Variants in WDR76 observed in about 807,000 individuals in gnomAD.
WDR76 encodes the protein WD repeat-containing protein 76.
WDR76 carries 52 observed loss-of-function variants against 70.2 expected under a neutral mutation model. That is an observed-to-expected ratio of 0.74 (90% CI 0.59 to 0.93). WDR76 has a LOEUF of 0.93. WDR76 is among the 40% of genes least tolerant of loss of function. The pLI is 0.00. For synonymous variants in WDR76, 292 were observed against 271.1 expected, an observed-to-expected ratio of 1.08 and a Z score of -0.76; for missense variants, 756 against 760.2, an observed-to-expected ratio of 0.99 and a Z score of 0.07.
intron 11 of WDR76, among the ~76,000 whole-genome samples, chr15:43,860,952 G>A (rs1336315858): frequency 9.9e-6 from 1 of 100,760 alleles, no homozygotes; most frequent in Non-Finnish European, 1.8e-5. Flanking sequence ...CAAGGTTCTC[G>A]CTCTGTTGCT....
intron 5 of WDR76, among the ~76,000 whole-genome samples, chr15:43,840,515 T>C (rs955468381): frequency 6.6e-6 from 1 of 152,200 alleles, no homozygotes; most frequent in Non-Finnish European, 1.5e-5. Context: ...TTCTAAATAT[T>C]TTTTATTCAA....
rs183168368 is a variant in WDR76, at chr15:43,840,918, T to A, written c.732+1190T>A. ...ATCACTTGAGACGTTAATTTAAAAA[T>A]ATATATATATATTTATTTACATTGT... On this transcript the variant is annotated intron_variant, in intron 5 of 12. Coordinates refer to ENST00000263795, the MANE Select transcript of WDR76 (RefSeq NM_024908.4). Among the ~76,000 whole-genome samples the A allele has an allele frequency of 7.2e-3, 1,097 of 151,434 alleles. 12 individuals are homozygous for A. The highest frequency in any genetic ancestry group is 0.025 in the African/African-American group (1,033 of 41,224).
At chr15:43,852,563 G>T (rs557972446) in intron 9 of WDR76, among the ~76,000 whole-genome samples, 1 of 152,166 alleles carries the variant, frequency 6.6e-6, no homozygotes, top group Admixed American at 6.5e-5. Flanking sequence ...GTAGGGACGG[G>T]GTTTCACCAT....
intron 2 of WDR76, among the ~76,000 whole-genome samples, chr15:43,832,022 T>C (rs1168850532): frequency 2.0e-5 from 3 of 152,006 alleles, no homozygotes; most frequent in Non-Finnish European, 4.4e-5. Context: ...GCTAGGATTA[T>C]AGGCGTGAGC....
chr15:43,865,314 C>T (rs1395056361), intron 12 of WDR76, among the ~76,000 whole-genome samples: 1 of 152,032 alleles, frequency 6.6e-6, no homozygotes, highest in Admixed American at 6.6e-5. Flanking sequence ...ACTCTGTTGC[C>T]CAGGCTGGAA....
At chr15:43,843,028 T>G (rs540220813) in intron 7 of WDR76, among the ~76,000 whole-genome samples, 48 of 146,952 alleles carry the variant, frequency 3.3e-4, no homozygotes, top group South Asian at 1.3e-3. Flanking sequence ...TTTTTTTTTT[T>G]TTTTTTGTTT....
intron 9 of WDR76, among the ~76,000 whole-genome samples, chr15:43,851,948 G>C (rs1246206605): frequency 1.3e-5 from 2 of 152,158 alleles, no homozygotes; most frequent in Non-Finnish European, 2.9e-5. Flanking sequence ...TGTAGTCACA[G>C]CTACTCAGGA....
Position 43,846,420 on chromosome 15 carries a change from G to A in WDR76, c.1032+2366G>A, listed in dbSNP as rs113446623. 2.0e-3 allele frequency among the ~76,000 whole-genome samples: 300 copies of A among 149,122 alleles called. 7 individuals carry two copies. The highest frequency in any genetic ancestry group is 7.0e-3 in the African/African-American group (290 of 41,228). ...CCACCTCAGCTTCCTGCGTAGCTGGGACTACGGTCATGTGCCACCACACCT... is the reference window on the plus strand; with the variant it reads ...CCACCTCAGCTTCCTGCGTAGCTGGAACTACGGTCATGTGCCACCACACCT... On this transcript the variant is annotated intron_variant, in intron 8 of 12. Coordinates refer to ENST00000263795, the MANE Select transcript of WDR76 (RefSeq NM_024908.4).
chr15:43,828,963 C>T (rs999031632), intron 2 of WDR76, among the ~76,000 whole-genome samples: 2 of 150,826 alleles, frequency 1.3e-5, no homozygotes, highest in South Asian at 2.1e-4. Flanking sequence ...AGTGCAGTGA[C>T]GCTATCTCGG....
At position 43,851,370 on chromosome 15, in the gene WDR76, G is replaced by A. The variant is rs1181387002; in HGVS notation, c.1191+125G>A. The A allele has an allele frequency of 2.3e-6, 3 of 1,314,368 alleles. No homozygotes were observed. In the Admixed American group the frequency reaches 6.8e-5, roughly 30 times the overall value. 81.4% of individuals were successfully genotyped at this position (1,314,368 alleles called of 1,614,324 possible). A position where few individuals can be genotyped will look rare whatever the true frequency, so the allele number is the denominator to read the frequency against. On this transcript the variant is annotated intron_variant, in intron 9 of 12. Coordinates refer to ENST00000263795, the MANE Select transcript of WDR76 (RefSeq NM_024908.4). ...GCAGAAGGACTTTGAGAACTACGCT[G>A]CCTAAGTTCAAATCCCAGATCATCT...
At chr15:43,850,394 C>T (rs996122030) in intron 8 of WDR76, among the ~76,000 whole-genome samples, 1 of 151,976 alleles carries the variant, frequency 6.6e-6, no homozygotes, top group African/African-American at 2.4e-5. Context: ...CTCCCGGATT[C>T]ATGCCATTCT....
At chr15:43,846,687 C>T (rs774083805) in intron 8 of WDR76, among the ~76,000 whole-genome samples, 22 of 151,602 alleles carry the variant, frequency 1.5e-4, no homozygotes, top group African/African-American at 4.8e-4. Flanking sequence ...TTAAGACATA[C>T]ATAAAAATCC....
chr15:43,829,201 G>C (rs2087556754), intron 2 of WDR76, among the ~76,000 whole-genome samples: 1 of 151,740 alleles, frequency 6.6e-6, no homozygotes, highest in Non-Finnish European at 1.5e-5. Flanking sequence ...CGCCCAGCCT[G>C]GTCTGTAATT....
intron 12 of WDR76, among the ~76,000 whole-genome samples, chr15:43,865,045 C>G (rs1219557466): frequency 6.6e-6 from 1 of 152,222 alleles, no homozygotes; most frequent in Admixed American, 6.5e-5. Flanking sequence ...CCTCAGCCTC[C>G]CCAGTAGCTG....
In WDR76 at chr15:43,866,464, AGT is replaced by A. The variant is rs1466129297; in HGVS notation, c.*77_*78del. 1 of 1,548,910 alleles carries A rather than the reference AGT, an allele frequency of 6.5e-7. No homozygotes were observed. Among genetic ancestry groups the A allele is most frequent in the East Asian group, 2.3e-5 (1 of 44,364 alleles). On this transcript the variant is annotated 3_prime_UTR_variant, in exon 13 of 13. Coordinates refer to ENST00000263795, the MANE Select transcript of WDR76 (RefSeq NM_024908.4). ...AGGAGCCTAGTAATCGGCGTGCCTT[AGT>A]GTGTTTATGTGGTAATGTGTTACAT...
intron 2 of WDR76, among the ~76,000 whole-genome samples, chr15:43,831,530 C>G (rs1022332154): frequency 1.3e-5 from 2 of 151,984 alleles, no homozygotes; most frequent in Non-Finnish European, 2.9e-5. Context: ...CCTTCACCTC[C>G]CAGGTTCAAG....
At chr15:43,832,733 G>A (rs979997050) in intron 2 of WDR76, among the ~76,000 whole-genome samples, 1 of 138,520 alleles carries the variant, frequency 7.2e-6, no homozygotes, top group African/African-American at 2.6e-5. Context: ...CATTGCACCC[G>A]GCTTGCTTTG....
chr15:43,864,081 C>CATA (rs1461415007), intron 12 of WDR76: 1 of 152,182 alleles, frequency 6.6e-6, no homozygotes, highest in African/African-American at 2.4e-5. Flanking sequence ...TTTTACTTAA[C>CATA]ATAATGTCTC....
chr15:43,863,431 AG>A lies in WDR76; in HGVS notation c.1616+2046del, dbSNP rs1324999196. The stretch of plus-strand genomic sequence containing the variant: ...AATATAATATATTGTTATTGACTAT[AG>A]TCATCCTGATGTACAATAGACCTCT... On this transcript the variant is annotated intron_variant, in intron 12 of 12. Transcript: ENST00000263795. Among the ~76,000 whole-genome samples the A allele has an allele frequency of 2.6e-5, 4 of 152,068 alleles. No individual in the cohort carries two copies. In the East Asian group the frequency reaches 7.7e-4, roughly 29 times the overall value.
Sources: allele counts gnomAD v4.1 joint callset (sites outside exome capture counted in the v4.1 genomes callset), GRCh38; gene constraint gnomAD v4.1.1; transcripts MANE v1.5; gene names NCBI Gene and HGNC (gene_info 2026-07-23, HGNC 2026-07-21).